The following OGFOD3 variants were observed in gnomAD, a reference collection of about 807,000 sequenced individuals.
OGFOD3 encodes 2-oxoglutarate and iron dependent oxygenase domain containing 3.
A neutral mutation model predicts 39.8 loss-of-function variants in OGFOD3; 35 were observed. The observed-to-expected ratio is 0.88, with a 90% CI of 0.67 to 1.17. OGFOD3 has a LOEUF of 1.17. OGFOD3 is among the 50% of genes most tolerant of loss of function. OGFOD3 has a pLI of 0.00. For missense variants in OGFOD3, 438 were observed against 454.5 expected (o/e 0.96, Z 0.33); for synonymous variants, 200 against 192.0 (o/e 1.04, Z -0.34).
chr17:82,406,327 T>C lies in OGFOD3; in HGVS notation c.488+91A>G. The C allele has an allele frequency of 8.5e-7, 1 of 1,181,988 alleles. No homozygotes were observed. The highest frequency in any genetic ancestry group is 1.3e-6 in the Non-Finnish European group (1 of 794,966). 73.2% of individuals were successfully genotyped at this position (1,181,988 alleles called of 1,614,324 possible). Reference sequence around the variant, plus strand: ...GCACCGAGCCGGATCCTCCCTCACATGTCCACGTGTCCACATGTCCATGGC... The same window carrying C: ...GCACCGAGCCGGATCCTCCCTCACACGTCCACGTGTCCACATGTCCATGGC... On this transcript the variant is annotated intron_variant, in intron 5 of 8. Transcript: ENST00000313056. The surrounding 1 kb of genome is among the most constrained non-coding windows in gnomAD (Gnocchi z 5.2).
rs1233257282 is a variant in OGFOD3, at chr17:82,415,795, T to G, written c.75-168A>C. Among the ~76,000 whole-genome samples the G allele has an allele frequency of 6.6e-6, 1 of 152,002 alleles. No homozygotes were observed. Among genetic ancestry groups the G allele is most frequent in the Non-Finnish European group, 1.5e-5 (1 of 68,028 alleles). ...CGCTGTCCACTCAGGAAACACGGAC[T>G]CTTCCCTCCCTTTCCCTTCAGGGAT... On this transcript the variant is annotated intron_variant, in intron 1 of 8. Transcript: ENST00000313056. The surrounding 1 kb of genome is among the most constrained non-coding windows in gnomAD (Gnocchi z 5.3).
intron 2 of OGFOD3, among the ~76,000 whole-genome samples, chr17:82,412,759 G>A (rs1288760276): frequency 6.6e-6 from 1 of 152,180 alleles, no homozygotes; most frequent in Non-Finnish European, 1.5e-5. Flanking sequence ...CGCTGGAAAG[G>A]CGTCAGGCCA....
intron 2 of OGFOD3, among the ~76,000 whole-genome samples, chr17:82,413,101 T>C (rs964539467): frequency 3.3e-5 from 5 of 152,204 alleles, no homozygotes; most frequent in African/African-American, 1.2e-4. Flanking sequence ...CTAATGGACA[T>C]AGGTGTTGTA....
chr17:82,400,874 G>C (rs1260808689), intron 7 of OGFOD3: 1 of 152,174 alleles, frequency 6.6e-6, no homozygotes, highest in East Asian at 1.9e-4. Flanking sequence ...CTGATCTTCA[G>C]ACGCCACTTT....
Position 82,412,280 on chromosome 17 carries a change from C to CGGGGCA in OGFOD3, c.305-756_305-751dup, listed in dbSNP as rs147357362. Reference sequence around the variant, plus strand: ...CAGCTCAAATGGGGGTCAGGGTGGTCGGGGCAGGGGCAGGGTCGTTGGGAC... The same window carrying CGGGGCA: ...CAGCTCAAATGGGGGTCAGGGTGGTCGGGGCAGGGGCAGGGGCAGGGTCGTTGGGAC... On this transcript the variant is annotated intron_variant, in intron 2 of 8. Transcript: ENST00000313056. Among the ~76,000 whole-genome samples the CGGGGCA allele has an allele frequency of 7.8e-3, 1,163 of 149,838 alleles. 23 individuals are homozygous for CGGGGCA. Among genetic ancestry groups the CGGGGCA allele is most frequent in the African/African-American group, 0.026 (1,028 of 39,808 alleles).
intron 7 of OGFOD3, among the ~76,000 whole-genome samples, chr17:82,400,107 G>T (rs1022431663): frequency 9.9e-5 from 15 of 152,182 alleles, no homozygotes; most frequent in African/African-American, 1.4e-4. Flanking sequence ...TCACGCTGGG[G>T]CCCAGCCCCC....
chr17:82,412,353 TG>T (rs2052961997), intron 2 of OGFOD3, among the ~76,000 whole-genome samples: 12 of 71,304 alleles, frequency 1.7e-4, no homozygotes, highest in African/African-American at 4.0e-4. Context: ...GGCAGGGGCA[TG>T]GTTATCGGGG....
At chr17:82,416,413 C>G (rs904232366) in intron 1 of OGFOD3, among the ~76,000 whole-genome samples, 1 of 152,122 alleles carries the variant, frequency 6.6e-6, no homozygotes, top group African/African-American at 2.4e-5. Context: ...GGGGTGAACA[C>G]TAAGGACGGG....
At chr17:82,401,958 G>A (rs976752403) in intron 7 of OGFOD3, among the ~76,000 whole-genome samples, 1 of 152,050 alleles carries the variant, frequency 6.6e-6, no homozygotes, top group Non-Finnish European at 1.5e-5. Flanking sequence ...CCAGCCATGT[G>A]CTTTCTGGCT....
At chr17:82,394,625 G>C in intron 8 of OGFOD3, 1 of 1,170,800 alleles carries the variant, frequency 8.5e-7, no homozygotes, top group African/African-American at 1.5e-5. Context: ...CCTCCAGAGA[G>C]AGGCCTGGCC....
chr17:82,404,181 C>T lies in OGFOD3; in HGVS notation c.546-91G>A. 1 of 1,400,038 alleles carries T rather than the reference C, an allele frequency of 7.1e-7. No individual in the cohort carries two copies. Among genetic ancestry groups the T allele is most frequent in the Non-Finnish European group, 9.5e-7 (1 of 1,056,994 alleles). The allele number at this position is 1,400,038 out of a possible 1,614,324, so 86.7% of individuals were successfully genotyped here. A position where few individuals can be genotyped will look rare whatever the true frequency, so the allele number is the denominator to read the frequency against. On this transcript the variant is annotated intron_variant, in intron 6 of 8. Coordinates refer to ENST00000313056, the MANE Select transcript of OGFOD3 (RefSeq NM_024648.3). The surrounding 1 kb of genome is among the most constrained non-coding windows in gnomAD (Gnocchi z 4.5). ...CGTGGGTGGCAGGAAAGGAACCAGC[C>T]TTCGTACGGCTCCGGGCCCGCGGGG...
chr17:82,395,540 G>A (rs995621678), intron 8 of OGFOD3, among the ~76,000 whole-genome samples: 1 of 152,216 alleles, frequency 6.6e-6, no homozygotes, highest in Non-Finnish European at 1.5e-5. Context: ...ACTGCGACAC[G>A]GCCGGGCGTG....
chr17:82,404,027 C>T lies in OGFOD3; in HGVS notation c.609G>A (p.Leu203=), dbSNP rs958943482. The part of the protein sequence containing the change: ...AEAFGISASS[L]HLTKPTFFSR... ...AGAAGAAGGTGGGCTTGGTCAGATG[C>T]AGCGAGGATGCGCTGATGCCAAAAG... Residue 203 remains leucine (L), a synonymous_variant, in exon 7 of 9, where the codon CTG becomes CTA. Coordinates refer to ENST00000313056, the MANE Select transcript of OGFOD3 (RefSeq NM_024648.3). The surrounding 1 kb of genome is among the most constrained non-coding windows in gnomAD (Gnocchi z 4.5). The T allele has an allele frequency of 6.2e-7, 1 of 1,610,766 alleles. No individual in the cohort carries two copies.
rs1599701465 is a variant in OGFOD3 at position 82,410,746 on chromosome 17, T to C, written c.380+709A>G. On this transcript the variant is annotated intron_variant, in intron 3 of 8. Transcript: ENST00000313056. Reference sequence around the variant, plus strand: ...TTTTTTTTTTTTTTTTGAGATGGAGTCTCACTCTGTCACCCAGGCTGGAAT... The same window carrying C: ...TTTTTTTTTTTTTTTTGAGATGGAGCCTCACTCTGTCACCCAGGCTGGAAT... Among the ~76,000 whole-genome samples the C allele has an allele frequency of 2.4e-5, 3 of 125,894 alleles. No homozygotes were observed. The South Asian group carries it at 7.7e-4, about 32-fold the overall frequency. 82.6% of individuals were successfully genotyped at this position (125,894 alleles called of 152,430 possible). A position where few individuals can be genotyped will look rare whatever the true frequency, so the allele number is the denominator to read the frequency against.
In OGFOD3 at chr17:82,404,977, G is replaced by A. The variant is rs1008947400; in HGVS notation, c.545+347C>T. Among the ~76,000 whole-genome samples the A allele has an allele frequency of 6.6e-6, 1 of 152,118 alleles. No homozygotes were observed. ...GCTGGTCTCGAACTCCTGACCTCAG[G>A]TGATCCACCCGCCTCGCCTCCCAAA... On this transcript the variant is annotated intron_variant, in intron 6 of 8. Coordinates refer to ENST00000313056, the MANE Select transcript of OGFOD3 (RefSeq NM_024648.3). The surrounding 1 kb of genome is among the most constrained non-coding windows in gnomAD (Gnocchi z 4.5).
chr17:82,401,785 C>T (rs2052767664), intron 7 of OGFOD3, among the ~76,000 whole-genome samples: 1 of 79,238 alleles, frequency 1.3e-5, no homozygotes, highest in Non-Finnish European at 2.3e-5. Context: ...GCCTGGGTGG[C>T]AGAGCAAGAC....
chr17:82,410,128 C>A (rs1204160249), intron 3 of OGFOD3, among the ~76,000 whole-genome samples: 1 of 152,212 alleles, frequency 6.6e-6, no homozygotes, highest in Non-Finnish European at 1.5e-5. Context: ...CACCCACACG[C>A]CAGCTGTGCT....
intron 7 of OGFOD3, among the ~76,000 whole-genome samples, chr17:82,400,268 C>T (rs537884100): frequency 7.2e-5 from 11 of 152,178 alleles, no homozygotes; most frequent in African/African-American, 2.6e-4. Context: ...GCTTTGCCCC[C>T]TCCAGGCCTC....
At chr17:82,403,883 G>A (rs1357407598) in intron 7 of OGFOD3, 54 bp downstream of exon 7, 60 of 1,549,308 alleles carry the variant, frequency 3.9e-5, no homozygotes, top group Admixed American at 5.6e-5. Flanking sequence ...CCGTGCCCAC[G>A]GGCACGCTCA....
Sources: allele counts gnomAD v4.1 joint callset (sites outside exome capture counted in the v4.1 genomes callset), GRCh38; gene constraint gnomAD v4.1.1; non-coding constraint Gnocchi (gnomAD v3.1); transcripts MANE v1.5; gene names NCBI Gene and HGNC (gene_info 2026-07-23, HGNC 2026-07-21).